The following EPS8 variants were observed in gnomAD, a reference collection of about 807,000 sequenced individuals.
EPS8 encodes epidermal growth factor receptor kinase substrate 8.
A neutral mutation model predicts 103.8 loss-of-function variants in EPS8; 42 were observed. That is an observed-to-expected ratio of 0.40 (90% CI 0.32 to 0.52). The LOEUF (loss-of-function observed/expected upper bound fraction) is 0.52. EPS8 is among the 20% of genes least tolerant of loss of function. EPS8 has a pLI of 0.40. For missense variants in EPS8, 969 were observed against 1,005.1 expected, an observed-to-expected ratio of 0.96 and a Z score of 0.49; for synonymous variants, 344 against 344.6, an observed-to-expected ratio of 1.00 and a Z score of 0.02.
Position 15,640,703 on chromosome 12 carries a change from C to T in EPS8, c.1821G>A (p.Gln607=). Residue 607 remains glutamine, a splice_region_variant and synonymous_variant, in exon 17 of 21, where the codon CAG becomes CAA. Transcript: ENST00000281172. ...RADPPYTHTI[Q]KQRMEYGPRP... is the part of the protein sequence containing the mutation. ...CATTTTACTAAGAAATCATGCTCAC[C>T]TGTATAGTATGAGTATAAGGTGGAT... The T allele has an allele frequency of 6.2e-7, 1 of 1,613,472 alleles. No individual in the cohort carries two copies. Among genetic ancestry groups the T allele is most frequent in the African/African-American group, 1.3e-5 (1 of 75,000 alleles).
intron 3 of EPS8, among the ~76,000 whole-genome samples, chr12:15,671,376 G>C (rs1431845893): frequency 2.0e-5 from 3 of 151,982 alleles, no homozygotes; most frequent in African/African-American, 7.2e-5. Context: ...GCATTACAAG[G>C]AACATCTCCT....
chr12:15,635,144 A>C lies in EPS8; in HGVS notation c.1822-3480T>G, dbSNP rs146637801. Among the ~76,000 whole-genome samples the C allele has an allele frequency of 5.9e-5, 9 of 152,322 alleles. No individual in the cohort carries two copies. In the East Asian group the frequency reaches 1.7e-3, roughly 29 times the overall value. ...TAATTAGCTGATTTTACAGAAGGTA[A>C]TACTGCATGCATTATCGTGTGATTG... is the stretch of plus-strand genomic sequence containing the variant. On this transcript the variant is annotated intron_variant, in intron 17 of 20. Transcript: ENST00000281172.
chr12:15,645,480 TTAAC>T (rs1309729419), intron 15 of EPS8, among the ~76,000 whole-genome samples: 3 of 152,146 alleles, frequency 2.0e-5, no homozygotes, highest in East Asian at 1.9e-4. Flanking sequence ...TAATACCACT[TTAAC>T]TACATATAAT....
rs916994958 is a variant in EPS8, at chr12:15,781,543, A to G, written c.-22+7618T>C. On this transcript the variant is annotated intron_variant, in intron 1 of 20. Transcript: ENST00000281172. The surrounding 1 kb of genome is among the most constrained non-coding windows in gnomAD (Gnocchi z 4.1). ...AGGGCTCTTGTAACAGTGAAAGAAG[A>G]TAATGTATGTAACACCTGCCACACA... Among the ~76,000 whole-genome samples the G allele has an allele frequency of 2.0e-5, 3 of 152,204 alleles. No individual in the cohort carries two copies. Among genetic ancestry groups the G allele is most frequent in the African/African-American group, 7.2e-5 (3 of 41,456 alleles).
chr12:15,639,816 C>T (rs979771674), intron 17 of EPS8, among the ~76,000 whole-genome samples: 20 of 152,174 alleles, frequency 1.3e-4, no homozygotes, highest in East Asian at 7.7e-4. Context: ...GCATATTCTA[C>T]GCAGCTTCTA....
At chr12:15,664,448 A>G (rs1364210406) in intron 8 of EPS8, among the ~76,000 whole-genome samples, 4 of 152,174 alleles carry the variant, frequency 2.6e-5, no homozygotes, top group African/African-American at 9.7e-5. Flanking sequence ...GAAAACCACA[A>G]ATTATGCTTA....
At chr12:15,629,219 A>G (rs950646964) in intron 18 of EPS8, among the ~76,000 whole-genome samples, 1 of 152,144 alleles carries the variant, frequency 6.6e-6, no homozygotes, top group African/African-American at 2.4e-5. Flanking sequence ...AAGTATGCAA[A>G]CTATGCCTCT....
In EPS8 at chr12:15,725,961, C is replaced by T. The variant is rs188530942; in HGVS notation, c.-21-42989G>A. ...AAAGTGTACACATAGCACATGCATA[C>T]ACTGAACAGCATAAACACTGAACAA... On this transcript the variant is annotated intron_variant, in intron 1 of 20. Transcript: ENST00000281172. This position sits in a 1 kb window ranked among gnomAD's most constrained non-coding sequence, Gnocchi z 4.5. Among the ~76,000 whole-genome samples, 61 of 152,206 alleles carry T rather than the reference C, an allele frequency of 4.0e-4. No homozygotes were observed. The highest frequency in any genetic ancestry group is 1.4e-3 in the African/African-American group (57 of 41,520).
intron 8 of EPS8, chr12:15,662,676 A>G (rs371277927): frequency 7.1e-6 from 7 of 984,130 alleles, no homozygotes; most frequent in Non-Finnish European, 8.4e-6. Context: ...AAATGTCTTA[A>G]GACCATTCAG....
At chr12:15,670,375 T>A (rs1266704316) in intron 4 of EPS8, among the ~76,000 whole-genome samples, 1 of 152,100 alleles carries the variant, frequency 6.6e-6, no homozygotes, top group Non-Finnish European at 1.5e-5. Context: ...ATAAGAGCAA[T>A]TTAAAAATTA....
intron 1 of EPS8, among the ~76,000 whole-genome samples, chr12:15,705,806 A>C (rs576078874): frequency 6.6e-6 from 1 of 152,184 alleles, no homozygotes. Context: ...CTTAGCAAAC[A>C]CTAACCTCAA....
intron 1 of EPS8, among the ~76,000 whole-genome samples, chr12:15,715,248 A>G (rs1244886606): frequency 1.3e-5 from 2 of 152,196 alleles, no homozygotes; most frequent in African/African-American, 4.8e-5. Context: ...GTGGCCTCTC[A>G]GCTTTGAAGC....
intron 14 of EPS8, among the ~76,000 whole-genome samples, chr12:15,649,740 A>C (rs1945379878): frequency 2.0e-5 from 3 of 152,252 alleles, no homozygotes; most frequent in Admixed American, 2.0e-4. Context: ...AGAATAGTCC[A>C]CAAAGGGAAC....
chr12:15,707,554 T>TAA (rs77451404), intron 1 of EPS8, among the ~76,000 whole-genome samples: 1 of 143,168 alleles, frequency 7.0e-6, no homozygotes, highest in Non-Finnish European at 1.5e-5. Context: ...CTCACTACCT[T>TAA]AAAAAAAAAA....
rs774300143 is a variant in EPS8, at chr12:15,662,053, C to G, written c.783G>C (p.Met261Ile). The G allele has an allele frequency of 2.5e-6, 4 of 1,613,976 alleles. No individual in the cohort carries two copies. The highest frequency in any genetic ancestry group is 2.2e-5 in the South Asian group (2 of 91,080). Residue 261 changes from methionine (M) to isoleucine (I), a missense_variant, in exon 9 of 21, where the codon ATG becomes ATC. Physicochemically the swap from Met to Ile is conservative, Grantham distance 10. Transcript: ENST00000281172. Reference protein sequence around the residue: ...QYHEQEETPEMMAARIDRDVQ... With the variant: ...QYHEQEETPEIMAARIDRDVQ... ...CATCTCTGTCAATGCGGGCTGCCAT[C>G]ATCTCAGGTGTTTCTTCCTGCTCAT...
At chr12:15,675,140 T>G (rs1945881660) in intron 3 of EPS8, among the ~76,000 whole-genome samples, 1 of 152,202 alleles carries the variant, frequency 6.6e-6, no homozygotes, top group African/African-American at 2.4e-5. Context: ...TGTGTAGAAC[T>G]AAAGTTTATA....
intron 1 of EPS8, among the ~76,000 whole-genome samples, chr12:15,715,341 C>T (rs569073946): frequency 7.9e-5 from 12 of 151,712 alleles, no homozygotes; most frequent in East Asian, 1.9e-4. Context: ...TCCTTCCCTT[C>T]GTCCACAGGG....
At chr12:15,668,406 A>G (rs1230845015) in intron 6 of EPS8, among the ~76,000 whole-genome samples, 2 of 152,240 alleles carry the variant, frequency 1.3e-5, no homozygotes, top group Non-Finnish European at 2.9e-5. Context: ...TGGATATTTT[A>G]TAATATATCA....
rs1331284632 is a variant in EPS8, at chr12:15,777,747, A to C, written c.-22+11414T>G. On this transcript the variant is annotated intron_variant, in intron 1 of 20. Transcript: ENST00000281172. The surrounding 1 kb of genome is among the most constrained non-coding windows in gnomAD (Gnocchi z 4.7). ...AAAAAGGGTGTCAGAAACGAGCAAA[A>C]GGAGGGGGAACAGCTGGGAGGAGGA... Among the ~76,000 whole-genome samples the C allele has an allele frequency of 2.0e-5, 3 of 152,202 alleles. No individual in the cohort carries two copies. Among genetic ancestry groups the C allele is most frequent in the Non-Finnish European group, 2.9e-5 (2 of 68,026 alleles).
Sources: gnomAD v4.1 joint callset for allele counts (sites outside exome capture counted in the v4.1 genomes callset) on GRCh38, gnomAD v4.1.1 for gene constraint, Gnocchi (gnomAD v3.1) non-coding constraint, MANE v1.5 for transcripts, NCBI Gene and HGNC (gene_info 2026-07-23, HGNC 2026-07-21) for gene names.